The following MYPN variants were observed in gnomAD, a reference collection of about 807,000 sequenced individuals.
MYPN encodes myopalladin, also known as sarcomeric protein myopalladin, 145 kDa (MYOP).
MYPN carries 63 observed loss-of-function variants against 129.4 expected under a neutral mutation model. The observed-to-expected ratio is 0.49, with a 90% confidence interval of 0.40 to 0.60. The LOEUF is 0.60. MYPN is among the 20% of genes least tolerant of loss of function. MYPN has a pLI of 0.00. For missense variants in MYPN, 1,596 were observed against 1,635.4 expected (o/e 0.98, Z 0.42); for synonymous variants, 629 against 600.9 (o/e 1.05, Z -0.68).
At chr10:68,163,817 C>T (rs1453331899) in intron 8 of MYPN, among the ~76,000 whole-genome samples, 1 of 151,998 alleles carries the variant, frequency 6.6e-6, no homozygotes, top group African/African-American at 2.4e-5. Context: ...CAAAGTGCAG[C>T]CTGATTAATG....
intron 2 of MYPN, among the ~76,000 whole-genome samples, chr10:68,137,833 T>C (rs2042510711): frequency 6.6e-6 from 1 of 152,198 alleles, no homozygotes; most frequent in African/African-American, 2.4e-5. Context: ...CAAGTTTGAA[T>C]AACCATAATT....
chr10:68,176,378 T>C (rs2043227842), intron 12 of MYPN, among the ~76,000 whole-genome samples: 1 of 152,224 alleles, frequency 6.6e-6, no homozygotes, highest in Non-Finnish European at 1.5e-5. Flanking sequence ...TAACTCTTGG[T>C]TTATTTCCCA....
chr10:68,102,122 CTTTTT>C (rs35930233), upstream of MYPN, among the ~76,000 whole-genome samples: 1 of 108,444 alleles, frequency 9.2e-6, no homozygotes, highest in African/African-American at 4.0e-5. Flanking sequence ...TTTCTCTCTC[CTTTTT>C]TTTTTTTTTT....
Position 68,174,719 on chromosome 10 carries a change from A to G in MYPN, c.2564+63A>G. The G allele has an allele frequency of 2.1e-6, 3 of 1,445,310 alleles. No individual in the cohort carries two copies. The East Asian group carries it at 6.8e-5, about 33-fold the overall frequency. 89.5% of individuals were successfully genotyped at this position (1,445,310 alleles called of 1,614,324 possible). Reference sequence around the variant, plus strand: ...TTAAGAGTCGATGTGCACATTGAATAGCTTGATCTGAAACAGGGCTCTCAT... The same window carrying G: ...TTAAGAGTCGATGTGCACATTGAATGGCTTGATCTGAAACAGGGCTCTCAT... On this transcript the variant is annotated intron_variant, in intron 11 of 19. Coordinates refer to ENST00000358913, the MANE Select transcript of MYPN (RefSeq NM_032578.4).
At chr10:68,164,961 G>T (rs562849092) in intron 8 of MYPN, among the ~76,000 whole-genome samples, 1 of 152,232 alleles carries the variant, frequency 6.6e-6, no homozygotes, top group African/African-American at 2.4e-5. Flanking sequence ...CAATGCAAAA[G>T]TTCCCCAAGG....
chr10:68,169,127 C>CTT (rs2043101589), intron 10 of MYPN, among the ~76,000 whole-genome samples: 1 of 142,592 alleles, frequency 7.0e-6, no homozygotes, highest in African/African-American at 2.8e-5. Flanking sequence ...GGGCGGATCA[C>CTT]GAGTTCAGGA....
intron 16 of MYPN, among the ~76,000 whole-genome samples, chr10:68,198,989 TTTC>T: frequency 6.8e-6 from 1 of 147,336 alleles, no homozygotes. Context: ...TTTTTCTTGT[TTTC>T]GTTTTTTTTT....
intron 2 of MYPN, among the ~76,000 whole-genome samples, chr10:68,137,629 C>T (rs1263895578): frequency 6.6e-6 from 1 of 152,108 alleles, no homozygotes; most frequent in African/African-American, 2.4e-5. Context: ...TTGTTAATAT[C>T]ATCACTGATT....
chr10:68,127,759 A>G (rs1459904128), intron 2 of MYPN, among the ~76,000 whole-genome samples: 2 of 152,196 alleles, frequency 1.3e-5, no homozygotes, highest in Non-Finnish European at 2.9e-5. Flanking sequence ...CACAGGACCC[A>G]GGAAAACAGA....
rs3814181 is a variant in MYPN, at chr10:68,142,884, T to C, written c.903-56T>C. ...ATTTAAGAGAATATCTGGAGCTGTCTATGTTATTGTCTTGCATTTGAGTCA... is the reference window on the plus strand; with the variant it reads ...ATTTAAGAGAATATCTGGAGCTGTCCATGTTATTGTCTTGCATTTGAGTCA... On this transcript the variant is annotated intron_variant, in intron 2 of 19. Transcript: ENST00000358913. 1.5e-4 allele frequency: 223 copies of C among 1,503,874 alleles called. No homozygotes were observed. The East Asian group carries it at 2.5e-3, about 17-fold the overall frequency. The allele number at this position is 1,503,874 out of a possible 1,614,324, so 93.2% of individuals were successfully genotyped here.
At chr10:68,169,137 A>T in intron 10 of MYPN, among the ~76,000 whole-genome samples, 1 of 143,534 alleles carries the variant, frequency 7.0e-6, no homozygotes, top group African/African-American at 2.7e-5. Flanking sequence ...CGAGTTCAGG[A>T]GATCGAGACC....
At chr10:68,164,180 AGTTCTG>A (rs2043020916) in intron 8 of MYPN, among the ~76,000 whole-genome samples, 1 of 152,206 alleles carries the variant, frequency 6.6e-6, no homozygotes, top group African/African-American at 2.4e-5. Flanking sequence ...TATTTCTTAC[AGTTCTG>A]GAGGCTGGAA....
chr10:68,103,188 ATG>A, upstream of MYPN, among the ~76,000 whole-genome samples: 1 of 152,366 alleles, frequency 6.6e-6, no homozygotes, highest in South Asian at 2.1e-4. Flanking sequence ...GCAAATAAAA[ATG>A]TGAACTTGGA....
At chr10:68,159,430 C>G (rs117046619) in intron 7 of MYPN, among the ~76,000 whole-genome samples, 1 of 152,216 alleles carries the variant, frequency 6.6e-6, no homozygotes, top group Non-Finnish European at 1.5e-5. Context: ...TTTTAATCTG[C>G]GCTTCACTAA....
intron 13 of MYPN, among the ~76,000 whole-genome samples, chr10:68,190,505 G>A (rs185787504): frequency 1.4e-3 from 220 of 152,134 alleles, no homozygotes; most frequent in African/African-American, 5.0e-3. Context: ...CAGGTCTTTT[G>A]CCCATTTTTA....
chr10:68,210,256 T>A (rs1415780986), intron 19 of MYPN, 30 bp from the exon 20 acceptor site: 2 of 1,612,170 alleles, frequency 1.2e-6, no homozygotes, highest in East Asian at 4.5e-5. Flanking sequence ...ATTCCTTTGA[T>A]CATAACACAT....
At chr10:68,177,985 G>A (rs1564683448) in intron 12 of MYPN, among the ~76,000 whole-genome samples, 1 of 152,120 alleles carries the variant, frequency 6.6e-6, no homozygotes, top group Non-Finnish European at 1.5e-5. Context: ...AGAAGTCCTT[G>A]AACAATGAAT....
chr10:68,176,327 T>C (rs2043226968), intron 12 of MYPN, among the ~76,000 whole-genome samples: 1 of 152,202 alleles, frequency 6.6e-6, no homozygotes, highest in African/African-American at 2.4e-5. Context: ...CTTTTGAGAA[T>C]CCAGTGGTTA....
chr10:68,186,358 A>G (rs2043421638), intron 12 of MYPN, among the ~76,000 whole-genome samples: 1 of 152,164 alleles, frequency 6.6e-6, no homozygotes, highest in Non-Finnish European at 1.5e-5. Flanking sequence ...ATTATATTGA[A>G]TGTATAAGGC....
Sources: allele counts gnomAD v4.1 joint callset (sites outside exome capture counted in the v4.1 genomes callset), GRCh38; gene constraint gnomAD v4.1.1; transcripts MANE v1.5; gene names NCBI Gene and HGNC (gene_info 2026-07-23, HGNC 2026-07-21).